The following ROR1 variants were observed in gnomAD, a reference collection of about 807,000 sequenced individuals.
ROR1 encodes the protein ROR family WNT receptor 1, also known as inactive tyrosine-protein kinase transmembrane receptor ROR1.
In ROR1, 19 loss-of-function variants were observed where a neutral mutation model predicts 78.8. The ratio of observed to expected loss-of-function variants is 0.24; its 90% CI spans 0.17 to 0.35. The LOEUF (loss-of-function observed/expected upper bound fraction) is 0.35. ROR1 is among the 10% of genes least tolerant of loss of function. The pLI, the probability that ROR1 is intolerant of heterozygous loss-of-function variation, is 1.00. For synonymous variants in ROR1, 386 were observed against 433.6 expected (o/e 0.89, Z 1.36); for missense variants, 917 against 1,177.8 (o/e 0.78, Z 3.24).
intron 7 of ROR1, among the ~76,000 whole-genome samples, chr1:64,149,242 A>C (rs1471059546): frequency 1.3e-5 from 2 of 152,198 alleles, no homozygotes; most frequent in Admixed American, 1.3e-4. Flanking sequence ...CATTTTCCTA[A>C]AGGAAAAACA....
intron 1 of ROR1, among the ~76,000 whole-genome samples, chr1:63,995,042 C>T (rs922302914): frequency 4.1e-4 from 63 of 152,260 alleles, no homozygotes; most frequent in African/African-American, 1.4e-3. Context: ...ATGCAGGCAG[C>T]GACAAACAGC....
chr1:64,175,038 TA>T (rs562982415), intron 8 of ROR1, among the ~76,000 whole-genome samples: 3 of 150,452 alleles, frequency 2.0e-5, no homozygotes, highest in Admixed American at 6.6e-5. Context: ...TTATTTAATT[TA>T]AAAAAATAGT....
Position 64,137,423 on chromosome 1 carries a change from A to G in ROR1, c.537A>G (p.Ala179=). Residue 179 remains alanine, a synonymous_variant, in exon 5 of 9, where the codon GCA becomes GCG. Coordinates refer to ENST00000371079, the MANE Select transcript of ROR1 (RefSeq NM_005012.4). ...FCQPYRGIAC[A]RFIGNRTVYM... is the part of the protein sequence containing the mutation. ...AGCCATACAGAGGGATTGCATGTGCAAGATTTATTGGCAACCGCACCGTCT... is the reference window on the plus strand; with the variant it reads ...AGCCATACAGAGGGATTGCATGTGCGAGATTTATTGGCAACCGCACCGTCT... 2 of 1,614,110 alleles carry G rather than the reference A, an allele frequency of 1.2e-6. No homozygotes were observed. Among genetic ancestry groups the G allele is most frequent in the Non-Finnish European group, 1.7e-6 (2 of 1,179,934 alleles).
intron 2 of ROR1, among the ~76,000 whole-genome samples, chr1:64,041,836 C>G (rs1646748341): frequency 6.6e-6 from 1 of 152,164 alleles, no homozygotes; most frequent in Non-Finnish European, 1.5e-5. Flanking sequence ...CATCATATCC[C>G]CTGGTTTCCA....
At chr1:63,856,684 C>T (rs1645151025) in intron 1 of ROR1, among the ~76,000 whole-genome samples, 2 of 152,180 alleles carry the variant, frequency 1.3e-5, no homozygotes, top group Admixed American at 1.3e-4. Context: ...CTGGAGGACT[C>T]GTAGGATTCG....
intron 2 of ROR1, among the ~76,000 whole-genome samples, chr1:64,037,615 G>T (rs2100577421): frequency 6.6e-6 from 1 of 152,272 alleles, no homozygotes; most frequent in African/African-American, 2.4e-5. Context: ...TATATGAGTG[G>T]TTCTGTTTTT....
chr1:63,822,333 A>T (rs1163084551), intron 1 of ROR1, among the ~76,000 whole-genome samples: 1 of 152,262 alleles, frequency 6.6e-6, no homozygotes, highest in East Asian at 1.9e-4. Context: ...GTTTGCTTGC[A>T]TTAATTAATC....
chr1:64,041,367 C>T (rs1569607792), intron 2 of ROR1, among the ~76,000 whole-genome samples: 1 of 152,218 alleles, frequency 6.6e-6, no homozygotes, highest in South Asian at 2.1e-4. Context: ...GAGATCTTTT[C>T]TTAAAAGGAA....
At position 64,178,484 on chromosome 1, in the gene ROR1, C is replaced by T. The variant is rs1452703776; in HGVS notation, c.2443C>T (p.Arg815Ter). The change falls in exon 9 of 9, where the codon CGA becomes TGA. Residue 815 changes from arginine (R) to a stop codon, truncating the protein, a stop_gained. Coordinates refer to ENST00000371079, the MANE Select transcript of ROR1 (RefSeq NM_005012.4). LOFTEE classifies it high-confidence loss of function. This position sits in a 1 kb window ranked among gnomAD's most constrained non-coding sequence, Gnocchi z 4.3. The part of the protein sequence containing the change: ...FIGPPIPQNQ[R>*]FIPINGYPIP... ...TGGCCCGCCAATACCTCAGAACCAG[C>T]GATTCATTCCCATCAATGGATACCC... 1.2e-6 allele frequency: 2 copies of T among 1,614,200 alleles called. No homozygotes were observed. The highest frequency in any genetic ancestry group is 1.1e-5 in the South Asian group (1 of 91,086).
At chr1:64,135,240 G>A (rs1287308465) in intron 4 of ROR1, among the ~76,000 whole-genome samples, 1 of 151,948 alleles carries the variant, frequency 6.6e-6, no homozygotes, top group African/African-American at 2.4e-5. Flanking sequence ...ATTTTATTCT[G>A]AAAAAAAGTA....
At chr1:64,164,673 T>C (rs1212758091) in intron 8 of ROR1, among the ~76,000 whole-genome samples, 1 of 152,152 alleles carries the variant, frequency 6.6e-6, no homozygotes, top group Non-Finnish European at 1.5e-5. Context: ...CATGGGAGTT[T>C]GTTGTACAGA....
At chr1:63,882,966 T>TA (rs919799489) in intron 1 of ROR1, among the ~76,000 whole-genome samples, 25 of 152,012 alleles carry the variant, frequency 1.6e-4, no homozygotes, top group African/African-American at 5.8e-4. Flanking sequence ...ATCAGTAGCC[T>TA]AGCACTTAGG....
intron 1 of ROR1, among the ~76,000 whole-genome samples, chr1:63,985,268 T>G (rs1280860565): frequency 2.6e-5 from 4 of 152,142 alleles, no homozygotes. Context: ...GAAAACCTCT[T>G]GAGCTTTTCT....
intron 1 of ROR1, among the ~76,000 whole-genome samples, chr1:63,901,874 G>A (rs1645487704): frequency 6.7e-6 from 1 of 148,888 alleles, no homozygotes; most frequent in Non-Finnish European, 1.5e-5. Context: ...TAGTGAGAAA[G>A]ATAAATAAAC....
chr1:63,815,688 G>A (rs1197407414), intron 1 of ROR1, among the ~76,000 whole-genome samples: 1 of 152,024 alleles, frequency 6.6e-6, no homozygotes, highest in Non-Finnish European at 1.5e-5. Context: ...ATCTCCTGTG[G>A]TGATGATGGA....
intron 4 of ROR1, among the ~76,000 whole-genome samples, chr1:64,083,350 C>T (rs1647119641): frequency 6.6e-6 from 1 of 151,964 alleles, no homozygotes; most frequent in Admixed American, 6.6e-5. Flanking sequence ...GGCTGGCTGG[C>T]CATCAAGTGA....
intron 1 of ROR1, among the ~76,000 whole-genome samples, chr1:63,943,827 A>G (rs916567835): frequency 2.0e-5 from 3 of 152,248 alleles, no homozygotes; most frequent in Non-Finnish European, 2.9e-5. Flanking sequence ...AGTTATGATA[A>G]TGCAAACAAA....
At chr1:63,970,355 G>C (rs1410427673) in intron 1 of ROR1, among the ~76,000 whole-genome samples, 1 of 152,112 alleles carries the variant, frequency 6.6e-6, no homozygotes, top group Non-Finnish European at 1.5e-5. Flanking sequence ...TGTAATTGTA[G>C]GTACTTAATA....
At chr1:63,872,804 C>A (rs1159830075) in intron 1 of ROR1, among the ~76,000 whole-genome samples, 1 of 152,120 alleles carries the variant, frequency 6.6e-6, no homozygotes, top group Non-Finnish European at 1.5e-5. Flanking sequence ...TCTCACTTCT[C>A]TTCATTAGTG....
Sources: allele counts gnomAD v4.1 joint callset (sites outside exome capture counted in the v4.1 genomes callset), GRCh38; gene constraint gnomAD v4.1.1; non-coding constraint Gnocchi (gnomAD v3.1); transcripts MANE v1.5; gene names NCBI Gene and HGNC (gene_info 2026-07-23, HGNC 2026-07-21).